Variants in VCAN observed in about 807,000 individuals in gnomAD.
VCAN encodes versican, also known as versican core protein.
In VCAN, 44 loss-of-function variants were observed where a neutral mutation model predicts 245.5. The observed-to-expected ratio is 0.18, with a 90% confidence interval of 0.14 to 0.23. VCAN has a LOEUF of 0.23. Ranked by LOEUF, VCAN falls within the 10% of genes least tolerant of loss-of-function variation. The pLI, the probability that VCAN is intolerant of heterozygous loss-of-function variation, is 1.00. For synonymous variants in VCAN, 1,413 were observed against 1,437.0 expected, an observed-to-expected ratio of 0.98 and a Z score of 0.38; for missense variants, 3,793 against 4,057.9, an observed-to-expected ratio of 0.93 and a Z score of 1.77.
chr5:83,574,814 A>G (rs372658009), intron 13 of VCAN, among the ~76,000 whole-genome samples: 1 of 152,180 alleles, frequency 6.6e-6, no homozygotes, highest in African/African-American at 2.4e-5. Flanking sequence ...TAAAATAAGA[A>G]CATGTGTAAT....
chr5:83,542,364 T>C, intron 8 of VCAN, 96 bp downstream of exon 8: 1 of 1,306,380 alleles, frequency 7.7e-7, no homozygotes, highest in Non-Finnish European at 1.1e-6. Context: ...TGATGTTAAA[T>C]CAATGGAGAG....
At position 83,520,787 on chromosome 5, in the gene VCAN, C is replaced by T. The variant is rs1365692916; in HGVS notation, c.2481C>T (p.Pro827=). 1.9e-6 allele frequency: 3 copies of T among 1,614,084 alleles called. No individual in the cohort carries two copies. The Admixed American group carries it at 5.0e-5, about 27-fold the overall frequency. The change falls in exon 7 of 15, where the codon CCC becomes CCT. Residue 827 remains proline, a synonymous_variant. Coordinates refer to ENST00000265077, the MANE Select transcript of VCAN (RefSeq NM_004385.5). ...STEPSASSKL[P]PALLTTVGMN... ...AACCTTCAGCCTCTTCAAAATTGCC[C>T]CCTGCCTTACTCACAACTGTGGGGA...
chr5:83,544,504 C>A (rs146674139), intron 8 of VCAN, among the ~76,000 whole-genome samples: 67 of 152,236 alleles, frequency 4.4e-4, no homozygotes, highest in African/African-American at 1.5e-3. Context: ...AGACATCTTT[C>A]TTCTTTCATG....
rs1470644696 is a variant in VCAN, at chr5:83,538,650, A to G, written c.5647A>G (p.Thr1883Ala). The change falls in exon 8 of 15, where the codon ACA (threonine) becomes GCA (alanine). Residue 1883 changes from threonine (T) to alanine (A), a missense_variant. Around this residue, in one of 5 missense-constraint regions of VCAN, gnomAD observed 3,182 missense variants for 3,250.3 expected, o/e 0.98. Coordinates refer to ENST00000265077, the MANE Select transcript of VCAN (RefSeq NM_004385.5). Reference protein sequence around the residue: ...HVETTFSTEPTGLVLSTVMDR... With the variant: ...HVETTFSTEPAGLVLSTVMDR... ...GGAAACTACATTCTCCACTGAGCCA[A>G]CAGGACTGGTTTTGAGTACAGTAAT... 8 of 1,614,134 alleles carry G rather than the reference A, an allele frequency of 5.0e-6. No individual in the cohort carries two copies. Among genetic ancestry groups the G allele is most frequent in the Non-Finnish European group, 6.8e-6 (8 of 1,179,968 alleles).
intron 2 of VCAN, among the ~76,000 whole-genome samples, chr5:83,487,594 A>C (rs945613069): frequency 1.3e-5 from 2 of 152,220 alleles, no homozygotes; most frequent in African/African-American, 4.8e-5. Flanking sequence ...TTAAGACCGA[A>C]GATTTAATAC....
At chr5:83,483,283 T>C (rs1744674937) in intron 1 of VCAN, among the ~76,000 whole-genome samples, 1 of 152,228 alleles carries the variant, frequency 6.6e-6, no homozygotes, top group Non-Finnish European at 1.5e-5. Context: ...ATGATTTTGG[T>C]AATGGCTGCA....
At chr5:83,497,806 T>C (rs1424259375) in intron 5 of VCAN, among the ~76,000 whole-genome samples, 5 of 152,222 alleles carry the variant, frequency 3.3e-5, no homozygotes, top group African/African-American at 7.2e-5. Flanking sequence ...ACGAAATTAA[T>C]AGACTGACTA....
At chr5:83,507,646 G>T (rs79663872) in intron 5 of VCAN, among the ~76,000 whole-genome samples, 17 of 152,148 alleles carry the variant, frequency 1.1e-4, no homozygotes, top group Non-Finnish European at 4.4e-5. Flanking sequence ...ATTTGGCTTT[G>T]CCTCTAGGCA....
In VCAN at chr5:83,542,029, A is replaced by T; in HGVS notation, c.9026A>T (p.Glu3009Val). Residue 3009 changes from glutamate (E) to valine (V), a missense_variant, in exon 8 of 15, where the codon GAA becomes GTA. By Grantham distance (121) the Glu-to-Val change is moderately radical. This residue lies in a region of VCAN where 3,182 missense variants were observed against 3,250.3 expected (regional missense o/e 0.98). Coordinates refer to ENST00000265077, the MANE Select transcript of VCAN (RefSeq NM_004385.5). ...AGGCCCACGCTTTCTTCTTCTCCAG[A>T]AATAAACCCTGAAACTCAAGCAGCT... ...SERPTLSSSP[E>V]INPETQAALI... 5 of 1,610,396 alleles carry T rather than the reference A, an allele frequency of 3.1e-6. No individual in the cohort carries two copies. The highest frequency in any genetic ancestry group is 3.4e-6 in the Non-Finnish European group (4 of 1,177,332).
chr5:83,501,437 CTT>C (rs1383418187), intron 5 of VCAN, among the ~76,000 whole-genome samples: 1 of 152,044 alleles, frequency 6.6e-6, no homozygotes, highest in African/African-American at 2.4e-5. Context: ...AGTTTTAACT[CTT>C]TTGCTTTTAT....
At chr5:83,472,408 T>C (rs766279653) in intron 1 of VCAN, among the ~76,000 whole-genome samples, 11 of 152,170 alleles carry the variant, frequency 7.2e-5, no homozygotes, top group Non-Finnish European at 1.6e-4. Flanking sequence ...GTTGTTGTTC[T>C]TAACACGCTC....
In VCAN at chr5:83,539,849, A is replaced by C. The variant is rs775844374; in HGVS notation, c.6846A>C (p.Thr2282=). 6.2e-7 allele frequency: 1 copy of C among 1,613,954 alleles called. No homozygotes were observed. The highest frequency in any genetic ancestry group is 1.1e-5 in the South Asian group (1 of 91,092). ...CTGAAGTGGAACAAATCAATAACAC[A>C]TTATATCCCCACACTTCTCAAGTGG... ...NFTEVEQINN[T]LYPHTSQVES... Residue 2282 remains threonine (T), a synonymous_variant, in exon 8 of 15, where the codon ACA becomes ACC. Coordinates refer to ENST00000265077, the MANE Select transcript of VCAN (RefSeq NM_004385.5).
intron 7 of VCAN, among the ~76,000 whole-genome samples, chr5:83,523,180 AT>A (rs1746169246): frequency 6.6e-6 from 1 of 152,202 alleles, no homozygotes; most frequent in Non-Finnish European, 1.5e-5. Flanking sequence ...AATACGATTT[AT>A]TGCTGTCTAA....
chr5:83,539,144 A>T lies in VCAN; in HGVS notation c.6141A>T (p.Glu2047Asp). 1.9e-6 allele frequency: 3 copies of T among 1,614,042 alleles called. No homozygotes were observed. The highest frequency in any genetic ancestry group is 2.5e-6 in the Non-Finnish European group (3 of 1,179,986). Residue 2047 changes from glutamate to aspartate, a missense_variant, in exon 8 of 15, where the codon GAA (glutamate) becomes GAT (aspartate). Around this residue, in one of 5 missense-constraint regions of VCAN, gnomAD observed 3,182 missense variants for 3,250.3 expected, o/e 0.98. Coordinates refer to ENST00000265077, the MANE Select transcript of VCAN (RefSeq NM_004385.5). ...ASSIIDEGLG[E>D]VGTVNEIDRR... ...CCATTATCGACGAAGGATTGGGAGA[A>T]GTGGGTACTGTCAATGAAATTGATA...
At position 83,493,817 on chromosome 5, in the gene VCAN, G is replaced by T. The variant is rs776097320; in HGVS notation, c.634G>T (p.Ala212Ser). The change falls in exon 5 of 15, where the codon GCT (alanine) becomes TCT (serine). Residue 212 changes from alanine (A) to serine (S), a missense_variant. Coordinates refer to ENST00000265077, the MANE Select transcript of VCAN (RefSeq NM_004385.5). Reference sequence around the variant, plus strand: ...TTATTTCCCCAGATATCCCATCCGGGCTCCCAGAGTAGGCTGTTATGGAGA... The same window carrying T: ...TTATTTCCCCAGATATCCCATCCGGTCTCCCAGAGTAGGCTGTTATGGAGA... Reference protein sequence around the residue: ...ADQTVRYPIRAPRVGCYGDKM... With the variant: ...ADQTVRYPIRSPRVGCYGDKM... 3 of 1,614,142 alleles carry T rather than the reference G, an allele frequency of 1.9e-6. No homozygotes were observed. In the South Asian group the frequency reaches 3.3e-5, roughly 18 times the overall value.
intron 13 of VCAN, among the ~76,000 whole-genome samples, chr5:83,577,618 C>T (rs766953907): frequency 2.4e-4 from 36 of 152,144 alleles, no homozygotes; most frequent in Non-Finnish European, 4.7e-4. Context: ...TTGGTTGACA[C>T]TATCCTGAAG....
intron 5 of VCAN, among the ~76,000 whole-genome samples, chr5:83,505,376 GAGAATTTGGCCAAAA>G (rs1250211452): frequency 6.6e-6 from 1 of 152,138 alleles, no homozygotes; most frequent in Non-Finnish European, 1.5e-5. Context: ...TTCCAAATGG[GAGAATTTGGCCAAAA>G]ACAAAGGGGT....
At chr5:83,568,481 A>C (rs1748166368) in intron 12 of VCAN, among the ~76,000 whole-genome samples, 1 of 152,158 alleles carries the variant, frequency 6.6e-6, no homozygotes, top group South Asian at 2.1e-4. Flanking sequence ...AAAACAATTA[A>C]ATCTTTTAAC....
At chr5:83,547,554 T>C (rs1747277636) in intron 9 of VCAN, among the ~76,000 whole-genome samples, 1 of 151,966 alleles carries the variant, frequency 6.6e-6, no homozygotes, top group Non-Finnish European at 1.5e-5. Flanking sequence ...GCCAGTTAGA[T>C]ACTTTGAGTA....
Sources: gnomAD v4.1 joint callset for allele counts (sites outside exome capture counted in the v4.1 genomes callset) on GRCh38, gnomAD v4.1.1 for gene constraint, gnomAD v4.1.1 regional missense constraint, MANE v1.5 for transcripts, NCBI Gene and HGNC (gene_info 2026-07-23, HGNC 2026-07-21) for gene names.